The following ABCC9 variants were observed in gnomAD, a reference collection of about 807,000 sequenced individuals.
The protein encoded by ABCC9 is ATP binding cassette subfamily C member 9.
ABCC9 carries 95 observed loss-of-function variants against 188.3 expected under a neutral mutation model. The ratio of observed to expected loss-of-function variants is 0.50; its 90% CI spans 0.43 to 0.60. The LOEUF (loss-of-function observed/expected upper bound fraction) is 0.60. Among genes scored for constraint, ABCC9 ranks in the 20% least tolerant of loss-of-function variants. The probability of loss-of-function intolerance (pLI) is 0.00; values close to 1 mark genes in which losing one functional copy is unlikely to be tolerated. For synonymous variants in ABCC9, 659 were observed against 652.7 expected (o/e 1.01, Z -0.15); for missense variants, 1,102 against 1,876.3 (o/e 0.59, Z 7.62).
At chr12:21,919,126 C>A (rs565398064) in intron 5 of ABCC9, among the ~76,000 whole-genome samples, 70 of 151,774 alleles carry the variant, frequency 4.6e-4, no homozygotes, top group Non-Finnish European at 8.7e-4. Context: ...GCATAGCTAC[C>A]TTTAAAGCTC....
chr12:21,897,631 T>C (rs1947490739), intron 12 of ABCC9, among the ~76,000 whole-genome samples: 1 of 152,184 alleles, frequency 6.6e-6, no homozygotes, highest in South Asian at 2.1e-4. Context: ...GCCATTCTAC[T>C]ACAAAGTGTC....
intron 39 of ABCC9, chr12:21,805,334 A>C (rs775689818): frequency 6.2e-7 from 1 of 1,610,974 alleles, no homozygotes; most frequent in Non-Finnish European, 8.5e-7. Flanking sequence ...ATAGAAAAGA[A>C]GAGAATCAGC....
At chr12:21,914,209 A>G (rs1049965629) in intron 7 of ABCC9, among the ~76,000 whole-genome samples, 2 of 152,176 alleles carry the variant, frequency 1.3e-5, no homozygotes, top group African/African-American at 4.8e-5. Flanking sequence ...CTGTTTTACC[A>G]TACTCTATTT....
intron 29 of ABCC9, 145 bp from the exon 30 acceptor site, chr12:21,838,315 T>G (rs1944207861): frequency 1.4e-6 from 1 of 694,132 alleles, no homozygotes; most frequent in East Asian, 2.7e-5. Context: ...TAACAAAAAC[T>G]TCAACAGCTT....
At chr12:21,915,500 G>GTGTATATATATA (rs1207332701) in intron 7 of ABCC9, among the ~76,000 whole-genome samples, 168 bp downstream of exon 7, 3 of 8,360 alleles carry the variant, frequency 3.6e-4, no homozygotes, top group African/African-American at 1.0e-3. Flanking sequence ...GTGTGTGTGT[G>GTGTATATATATA]TATATATATA....
intron 4 of ABCC9, among the ~76,000 whole-genome samples, chr12:21,929,039 G>T (rs934990792): frequency 1.3e-5 from 2 of 152,054 alleles, no homozygotes; most frequent in African/African-American, 4.8e-5. Flanking sequence ...GACAGAAAAT[G>T]ATAAAAATAA....
intron 36 of ABCC9, among the ~76,000 whole-genome samples, chr12:21,810,347 G>A (rs769278215): frequency 2.6e-5 from 4 of 152,100 alleles, no homozygotes; most frequent in Non-Finnish European, 5.9e-5. Context: ...TAGATCAGCT[G>A]TGCTGCCATC....
rs776928239 is a variant in ABCC9 at position 21,812,039 on chromosome 12, T to C, written c.4211+10A>G. ...TAAGGCATACAGGTGTTGCTAAATA[T>C]GTTACCTACCTAATGGAACCACTGA... is the stretch of plus-strand genomic sequence containing the variant. On this transcript the variant is annotated intron_variant, in intron 36 of 39. Coordinates refer to ENST00000261200, the MANE Select transcript of ABCC9 (RefSeq NM_020297.4). The C allele has an allele frequency of 7.0e-6, 11 of 1,575,484 alleles. No individual in the cohort carries two copies. The highest frequency in any genetic ancestry group is 9.6e-6 in the Non-Finnish European group (11 of 1,145,230).
chr12:21,811,888 C>T (rs1942264505), intron 36 of ABCC9, among the ~76,000 whole-genome samples, 161 bp downstream of exon 36: 1 of 152,140 alleles, frequency 6.6e-6, no homozygotes, highest in Non-Finnish European at 1.5e-5. Context: ...GGTTAATTTA[C>T]AACTCTAGGC....
At chr12:21,910,069 T>C in intron 10 of ABCC9, 88 bp downstream of exon 10, 1 of 1,276,592 alleles carries the variant, frequency 7.8e-7, no homozygotes, top group Non-Finnish European at 1.1e-6. Context: ...TCAAAAACTA[T>C]ACACCTTTTA....
intron 22 of ABCC9, among the ~76,000 whole-genome samples, chr12:21,855,781 A>G (rs1425785340): frequency 6.6e-6 from 1 of 152,188 alleles, no homozygotes; most frequent in Non-Finnish European, 1.5e-5. Flanking sequence ...ATTTTCTTAT[A>G]AATAAAGCCA....
At chr12:21,862,764 G>A (rs1945585234) in intron 20 of ABCC9, among the ~76,000 whole-genome samples, 189 bp downstream of exon 20, 2 of 152,028 alleles carry the variant, frequency 1.3e-5, no homozygotes, top group Admixed American at 1.3e-4. Flanking sequence ...GTCCAAGATG[G>A]GCTGGAACTT....
chr12:21,827,540 ACAC>A (rs1943454213), intron 31 of ABCC9: 1 of 109,232 alleles, frequency 9.2e-6, no homozygotes. Context: ...ACACACACAC[ACAC>A]ACACACACAC....
At chr12:21,928,309 T>TGGGA (rs1490277046) in intron 4 of ABCC9, among the ~76,000 whole-genome samples, 45 of 19,444 alleles carry the variant, frequency 2.3e-3, no homozygotes, top group African/African-American at 8.7e-3. Flanking sequence ...GAAGGGAGGG[T>TGGGA]GGGAGGGAAG....
intron 34 of ABCC9, among the ~76,000 whole-genome samples, 190 bp downstream of exon 34, chr12:21,815,573 T>G (rs1942554590): frequency 6.6e-6 from 1 of 152,178 alleles, no homozygotes. Flanking sequence ...TGAATTACAA[T>G]ATGACTTGGA....
chr12:21,932,547 A>G (rs1375328831), intron 4 of ABCC9, among the ~76,000 whole-genome samples: 1 of 152,218 alleles, frequency 6.6e-6, no homozygotes, highest in Non-Finnish European at 1.5e-5. Context: ...TCCAGCATCT[A>G]TAAGGAACTT....
intron 36 of ABCC9, among the ~76,000 whole-genome samples, chr12:21,810,635 C>A (rs539550594): frequency 3.3e-5 from 5 of 152,114 alleles, no homozygotes; most frequent in South Asian, 2.1e-4. Flanking sequence ...TGGGGGTAAC[C>A]GCCCCCATGA....
chr12:21,847,628 C>T (rs1944745033), intron 25 of ABCC9, among the ~76,000 whole-genome samples: 1 of 152,088 alleles, frequency 6.6e-6, no homozygotes, highest in African/African-American at 2.4e-5. Flanking sequence ...CATTTCCAGT[C>T]AATCTTTTTT....
chr12:21,858,655 G>C (rs777898858), intron 22 of ABCC9, among the ~76,000 whole-genome samples: 7 of 151,964 alleles, frequency 4.6e-5, no homozygotes, highest in African/African-American at 7.2e-5. Flanking sequence ...TTTAGGTTTT[G>C]AGGGGGAATA....
Sources: gnomAD v4.1 joint callset for allele counts (sites outside exome capture counted in the v4.1 genomes callset) on GRCh38, gnomAD v4.1.1 for gene constraint, MANE v1.5 for transcripts, NCBI Gene and HGNC (gene_info 2026-07-23, HGNC 2026-07-21) for gene names.